KIAA0586: variants seen among roughly 807,000 people sequenced by gnomAD.
KIAA0586 encodes protein TALPID3.
In KIAA0586, 144 loss-of-function variants were observed where a neutral mutation model predicts 169.8. The ratio of observed to expected loss-of-function variants is 0.85; its 90% CI spans 0.74 to 0.97. KIAA0586 has a LOEUF of 0.97. KIAA0586 is among the 50% of genes least tolerant of loss of function. The pLI is 0.00. For missense variants in KIAA0586, 1,854 were observed against 1,823.0 expected (o/e 1.02, Z -0.31); for synonymous variants, 625 against 612.4 (o/e 1.02, Z -0.30).
chr14:58,543,983 C>T lies in KIAA0586; in HGVS notation c.4496-3798C>T, dbSNP rs1468980093. 4 of 445,968 alleles carry T rather than the reference C, an allele frequency of 9.0e-6. No homozygotes were observed. The highest frequency in any genetic ancestry group is 2.0e-5 in the African/African-American group (1 of 49,264). The allele number at this position is 445,968 out of a possible 1,614,324, so 27.6% of individuals were successfully genotyped here. On this transcript the variant is annotated intron_variant, in intron 30 of 30. Transcript: ENST00000652326. ...CATCACCCAGGTATTAAGCCTAGTA[C>T]CCAATAGTTATTTTTTCTGCTCCTC...
chr14:58,551,757 C>T (rs189865488), downstream of KIAA0586, among the ~76,000 whole-genome samples: 155 of 150,936 alleles, frequency 1.0e-3, no homozygotes, highest in African/African-American at 3.6e-3. Context: ...CAGAGTGAGA[C>T]TGTCTCAAAA....
intron 29 of KIAA0586, among the ~76,000 whole-genome samples, chr14:58,514,736 G>C (rs912391374): frequency 6.6e-6 from 1 of 151,888 alleles, no homozygotes; most frequent in Non-Finnish European, 1.5e-5. Context: ...TTTTAATTTG[G>C]TATTGAATTT....
rs1031513625 is a variant in KIAA0586, at chr14:58,488,014, A to C, written c.3432A>C (p.Ser1144=). 11 of 1,611,458 alleles carry C rather than the reference A, an allele frequency of 6.8e-6. No individual in the cohort carries two copies. In the African/African-American group the frequency reaches 1.5e-4, roughly 22 times the overall value. Residue 1144 remains serine (S), a synonymous_variant, in exon 23 of 31, where the codon TCA becomes TCC. Coordinates refer to ENST00000652326, the MANE Select transcript of KIAA0586 (RefSeq NM_001329943.3). The part of the protein sequence containing the change: ...SDISIDKLKV[S]SPELPKPWGD... ...TTTCCATTGATAAATTGAAGGTATC[A>C]AGCCCAGAGCTTCCCAAGCCATGGG... is the stretch of plus-strand genomic sequence containing the variant.
At chr14:58,440,284 T>G (rs2038207651) in intron 4 of KIAA0586, 1 of 402,806 alleles carries the variant, frequency 2.5e-6, no homozygotes, top group African/African-American at 2.1e-5. Context: ...TTCTCTTTTC[T>G]TCTTTCTCTC....
intron 20 of KIAA0586, among the ~76,000 whole-genome samples, chr14:58,479,887 T>A (rs2041910370): frequency 6.6e-6 from 1 of 152,216 alleles, no homozygotes; most frequent in African/African-American, 2.4e-5. Context: ...CTCATTCACC[T>A]GTAAGTTATA....
intron 29 of KIAA0586, among the ~76,000 whole-genome samples, chr14:58,514,784 G>A (rs2044634429): frequency 6.6e-6 from 1 of 152,012 alleles, no homozygotes; most frequent in Admixed American, 6.6e-5. Context: ...CCACTTACCT[G>A]ATTCTATGTA....
intron 8 of KIAA0586, among the ~76,000 whole-genome samples, chr14:58,451,249 A>G (rs922716303): frequency 4.6e-5 from 7 of 152,068 alleles, no homozygotes; most frequent in African/African-American, 1.7e-4. Flanking sequence ...TTTATGAGAC[A>G]AGGTCTCACT....
chr14:58,482,718 G>A lies in KIAA0586; in HGVS notation c.3144+6G>A. The A allele has an allele frequency of 1.3e-6, 2 of 1,537,462 alleles. No homozygotes were observed. The highest frequency in any genetic ancestry group is 1.8e-6 in the Non-Finnish European group (2 of 1,140,060). ...CAAATGAAACATATTTGCCGGTATGGGGAATTTTTGAGACATTTATTGAAG... is the reference window on the plus strand; with the variant it reads ...CAAATGAAACATATTTGCCGGTATGAGGAATTTTTGAGACATTTATTGAAG... On this transcript the variant is annotated splice_donor_region_variant and intron_variant, in intron 21 of 30. Coordinates refer to ENST00000652326, the MANE Select transcript of KIAA0586 (RefSeq NM_001329943.3).
intron 18 of KIAA0586, among the ~76,000 whole-genome samples, chr14:58,473,333 C>G (rs996635852): frequency 6.6e-6 from 1 of 151,998 alleles, no homozygotes; most frequent in Non-Finnish European, 1.5e-5. Flanking sequence ...AGCTGGGGAG[C>G]GGATAAATGC....
chr14:58,444,234 C>T, intron 6 of KIAA0586, 59 bp downstream of exon 6: 1 of 1,082,652 alleles, frequency 9.2e-7, no homozygotes, highest in South Asian at 1.4e-5. Flanking sequence ...ATCTCTCAGC[C>T]AGTATTCATT....
At chr14:58,509,534 C>T (rs1054207296) in intron 28 of KIAA0586, among the ~76,000 whole-genome samples, 4 of 151,918 alleles carry the variant, frequency 2.6e-5, no homozygotes, top group African/African-American at 7.3e-5. Context: ...ATTGGCAATT[C>T]GTTCAAAATT....
At chr14:58,528,520 CA>C (rs1418773360) in intron 29 of KIAA0586, among the ~76,000 whole-genome samples, 1 of 152,194 alleles carries the variant, frequency 6.6e-6, no homozygotes, top group Non-Finnish European at 1.5e-5. Context: ...GACCACAGTG[CA>C]ATCAAACTAG....
At chr14:58,470,076 ATGTGTGTG>A (rs3041104) in intron 16 of KIAA0586, among the ~76,000 whole-genome samples, 4 of 149,014 alleles carry the variant, frequency 2.7e-5, no homozygotes, top group South Asian at 2.1e-4. Context: ...TAGGAAGAAA[ATGTGTGTG>A]TGTGTGTGTG....
At chr14:58,428,566 G>A in intron 1 of KIAA0586, 103 bp downstream of exon 1, 1 of 867,800 alleles carries the variant, frequency 1.2e-6, no homozygotes, top group Non-Finnish European at 1.8e-6. Flanking sequence ...AGTTTGTACA[G>A]ATGTTTGAAA....
intron 29 of KIAA0586, among the ~76,000 whole-genome samples, chr14:58,527,953 AG>A (rs1459537994): frequency 6.6e-6 from 1 of 152,216 alleles, no homozygotes; most frequent in East Asian, 1.9e-4. Flanking sequence ...TGCTGTATTC[AG>A]GAGACCCATC....
At chr14:58,427,498 T>C, upstream of KIAA0586, 1 of 1,236,246 alleles carries the variant, frequency 8.1e-7, no homozygotes, top group Non-Finnish European at 1.1e-6. Flanking sequence ...TGGATGAGAC[T>C]GTAGAGCGGT....
chr14:58,530,428 C>G lies in KIAA0586; in HGVS notation c.4430-9643C>G, dbSNP rs146814539. On this transcript the variant is annotated intron_variant, in intron 29 of 30. Coordinates refer to ENST00000652326, the MANE Select transcript of KIAA0586 (RefSeq NM_001329943.3). ...AACAAAGCTGGAGGCATCACGCTAC[C>G]TGACTTCAAACTATATTACAAGGCT... 3.6e-3 allele frequency among the ~76,000 whole-genome samples: 547 copies of G among 152,310 alleles called. 4 individuals carry two copies. Among genetic ancestry groups the G allele is most frequent in the African/African-American group, 0.013 (524 of 41,564 alleles).
intron 29 of KIAA0586, among the ~76,000 whole-genome samples, chr14:58,516,071 A>G (rs1010656024): frequency 2.0e-5 from 3 of 152,152 alleles, no homozygotes; most frequent in African/African-American, 7.2e-5. Context: ...CCAGGCACCA[A>G]TCAAGCAGAT....
rs148698722 is a variant in KIAA0586, at chr14:58,432,086, C to G, written c.341-302C>G. On this transcript the variant is annotated intron_variant, in intron 3 of 30. Transcript: ENST00000652326. The stretch of plus-strand genomic sequence containing the variant: ...TTCTTTCTCTGTCTGATTGCTCTGG[C>G]TGGGACTTCCACTACTGTATTGAAA... Among the ~76,000 whole-genome samples, 69 of 152,162 alleles carry G rather than the reference C, an allele frequency of 4.5e-4. No homozygotes were observed. The East Asian group carries it at 0.01, about 23-fold the overall frequency.
Sources: allele counts gnomAD v4.1 joint callset (sites outside exome capture counted in the v4.1 genomes callset), GRCh38; gene constraint gnomAD v4.1.1; transcripts MANE v1.5; gene names NCBI Gene and HGNC (gene_info 2026-07-23, HGNC 2026-07-21).